The following ST3GAL5 variants were observed in gnomAD, a reference collection of about 807,000 sequenced individuals.
ST3GAL5 encodes the protein ST3 beta-galactoside alpha-2,3-sialyltransferase 5, also known as lactosylceramide alpha-2,3-sialyltransferase.
Under a neutral mutation model 46.1 loss-of-function variants are expected in ST3GAL5, and 25 were observed. The ratio of observed to expected loss-of-function variants is 0.54; its 90% confidence interval spans 0.40 to 0.76. The LOEUF is 0.76. Ranked by LOEUF, ST3GAL5 falls within the 30% of genes least tolerant of loss-of-function variation. The pLI is 0.00. For missense variants in ST3GAL5, 431 were observed against 521.2 expected (o/e 0.83, Z 1.69); for synonymous variants, 182 against 192.7 (o/e 0.94, Z 0.46).
chr2:85,870,707 G>A (rs970785025), intron 1 of ST3GAL5, among the ~76,000 whole-genome samples: 2 of 145,204 alleles, frequency 1.4e-5, no homozygotes, highest in African/African-American at 2.6e-5. Flanking sequence ...ACGGAGTTTC[G>A]CTCTTGTTGC....
At chr2:85,858,517 G>T (rs1159795536) in intron 3 of ST3GAL5, among the ~76,000 whole-genome samples, 1 of 152,110 alleles carries the variant, frequency 6.6e-6, no homozygotes, top group Non-Finnish European at 1.5e-5. Flanking sequence ...CACCATGTTG[G>T]CCAGGCTGGT....
At chr2:85,886,201 G>A (rs939618438) in intron 1 of ST3GAL5, among the ~76,000 whole-genome samples, 3 of 152,230 alleles carry the variant, frequency 2.0e-5, no homozygotes, top group African/African-American at 7.2e-5. Context: ...GGGCAATGTG[G>A]GAGAATAGTT....
rs1385550718 is a variant in ST3GAL5, at chr2:85,863,483, T to G, written c.85A>C (p.Met29Leu). 2 of 1,614,096 alleles carry G rather than the reference T, an allele frequency of 1.2e-6. No homozygotes were observed. The highest frequency in any genetic ancestry group is 1.7e-5 in the Admixed American group (1 of 60,022). ...TTCACATAGGTGTACTCACTTGGCA[T>G]TGCTGTGAAGAGAGGCGAAGAGGGC... ...EAAAAPAGRA[M>L]PSEYTYVKLR... is the part of the protein sequence containing the mutation. Residue 29 changes from methionine to leucine, a missense_variant and splice_region_variant, in exon 2 of 7, where the codon ATG becomes CTG. Coordinates refer to ENST00000638572, the MANE Select transcript of ST3GAL5 (RefSeq NM_003896.4).
At chr2:85,876,394 C>A (rs1400150314) in intron 1 of ST3GAL5, among the ~76,000 whole-genome samples, 1 of 151,918 alleles carries the variant, frequency 6.6e-6, no homozygotes, top group Non-Finnish European at 1.5e-5. Flanking sequence ...CTGGAAGGAA[C>A]CTTCAGGTTC....
At chr2:85,885,867 C>A (rs1687696944) in intron 1 of ST3GAL5, among the ~76,000 whole-genome samples, 1 of 151,850 alleles carries the variant, frequency 6.6e-6, no homozygotes, top group Non-Finnish European at 1.5e-5. Context: ...AATAGCTGTG[C>A]CTGTGGCTCC....
chr2:85,873,212 G>A (rs1209894745), intron 1 of ST3GAL5, among the ~76,000 whole-genome samples: 1 of 151,908 alleles, frequency 6.6e-6, no homozygotes, highest in Non-Finnish European at 1.5e-5. Flanking sequence ...TGGCCCCCTC[G>A]CCTGGAGATG....
At chr2:85,849,215 A>C (rs1401155111) in intron 3 of ST3GAL5, 1 of 152,012 alleles carries the variant, frequency 6.6e-6, no homozygotes, top group Non-Finnish European at 1.5e-5. Context: ...CCACCTATAC[A>C]AAAAATTTTT....
At chr2:85,847,629 T>C (rs1186204834) in intron 4 of ST3GAL5, 1 of 1,284,116 alleles carries the variant, frequency 7.8e-7, no homozygotes, top group African/African-American at 1.5e-5. Flanking sequence ...AAACCCCATC[T>C]CTACTAAAAA....
At chr2:85,848,508 T>G (rs1458166027) in intron 3 of ST3GAL5, 2 of 926,062 alleles carry the variant, frequency 2.2e-6, no homozygotes, top group Non-Finnish European at 3.1e-6. Flanking sequence ...GGGGTGAAAA[T>G]GTACTTCGGG....
rs79573420 is a variant in ST3GAL5, at chr2:85,860,079, C to T, written c.318+1102G>A. On this transcript the variant is annotated intron_variant, in intron 3 of 6. Transcript: ENST00000638572. Reference sequence around the variant, plus strand: ...ACCCTGGGCAGGTTACTAAATCTCCCTGCTCCTCAGTTTCCCTGCCTGTGA... The same window carrying T: ...ACCCTGGGCAGGTTACTAAATCTCCTTGCTCCTCAGTTTCCCTGCCTGTGA... 9.9e-3 allele frequency among the ~76,000 whole-genome samples: 1,511 copies of T among 152,290 alleles called. 29 individuals are homozygous for T. Among genetic ancestry groups the T allele is most frequent in the African/African-American group, 0.035 (1,451 of 41,554 alleles).
intron 1 of ST3GAL5, among the ~76,000 whole-genome samples, chr2:85,883,313 G>T (rs1170041364): frequency 6.6e-6 from 1 of 152,098 alleles, no homozygotes. Flanking sequence ...GTTTATCAGG[G>T]GTTTCTGCTT....
In ST3GAL5 at chr2:85,839,692, C is replaced by T; in HGVS notation, c.*452G>A. 1 of 272,420 alleles carries T rather than the reference C, an allele frequency of 3.7e-6. No individual in the cohort carries two copies. The highest frequency in any genetic ancestry group is 3.8e-5 in the South Asian group (1 of 26,508). 16.9% of individuals were successfully genotyped at this position (272,420 alleles called of 1,614,324 possible). A position where few individuals can be genotyped will look rare whatever the true frequency, so the allele number is the denominator to read the frequency against. On this transcript the variant is annotated 3_prime_UTR_variant, in exon 7 of 7. Transcript: ENST00000638572. ...TCAGCAGCAGAGCTACGGAGCACGT[C>T]ATCCTGGGAGTGGATCCTCCGTGGG...
rs2103935120 is a variant in ST3GAL5 at position 85,844,407 on chromosome 2, C to T, written c.997G>A (p.Gly333Ser). Residue 333 changes from glycine to serine, a missense_variant, in exon 6 of 7, where the codon GGC becomes AGC. Coordinates refer to ENST00000638572, the MANE Select transcript of ST3GAL5 (RefSeq NM_003896.4). ...QYSEPQSRFW[G>S]RDKNVPTIGV... Reference sequence around the variant, plus strand: ...AGCAACAAAAATACCTTATCTCGGCCCCAGAACCTTGACTGAGGCTCTGAG... The same window carrying T: ...AGCAACAAAAATACCTTATCTCGGCTCCAGAACCTTGACTGAGGCTCTGAG... 6.2e-7 allele frequency: 1 copy of T among 1,614,140 alleles called. No individual in the cohort carries two copies.
chr2:85,844,787 C>A (rs1573582691), intron 5 of ST3GAL5: 1 of 582,834 alleles, frequency 1.7e-6, no homozygotes, highest in East Asian at 3.0e-5. Flanking sequence ...AGATGAATTG[C>A]AGAACCAGCT....
chr2:85,839,899 G>C lies in ST3GAL5; in HGVS notation c.*245C>G, dbSNP rs1470272595. 9.0e-6 allele frequency: 5 copies of C among 553,632 alleles called. No individual in the cohort carries two copies. The highest frequency in any genetic ancestry group is 1.6e-5 in the Non-Finnish European group (5 of 310,888). The allele number at this position is 553,632 out of a possible 1,614,324, so 34.3% of individuals were successfully genotyped here. A position where few individuals can be genotyped will look rare whatever the true frequency, so the allele number is the denominator to read the frequency against. ...AACATCGTTACATACAATTCTCTTT[G>C]AGAAGTCTTTCCAATTCAATTCTTA... On this transcript the variant is annotated 3_prime_UTR_variant, in exon 7 of 7. Transcript: ENST00000638572.
At chr2:85,888,748 G>C (rs1413627774) in intron 1 of ST3GAL5, 76 bp downstream of exon 1, 10 of 1,094,348 alleles carry the variant, frequency 9.1e-6, no homozygotes, top group African/African-American at 1.7e-5. Flanking sequence ...CAGCCGGCCC[G>C]GGAAGAGACA....
intron 3 of ST3GAL5, chr2:85,848,713 T>C (rs1683122597): frequency 4.0e-6 from 1 of 251,992 alleles, no homozygotes; most frequent in African/African-American, 2.2e-5. Context: ...AGGGGAGTTG[T>C]TTAATAGGTA....
At chr2:85,875,417 T>C (rs1483522948) in intron 1 of ST3GAL5, 1 of 150,766 alleles carries the variant, frequency 6.6e-6, no homozygotes, top group Non-Finnish European at 1.5e-5. Flanking sequence ...TACTCAACTG[T>C]TTGGCTATTT....
chr2:85,852,057 A>G (rs1213268587), intron 3 of ST3GAL5, among the ~76,000 whole-genome samples: 4 of 152,258 alleles, frequency 2.6e-5, no homozygotes, highest in Non-Finnish European at 5.9e-5. Context: ...AATTTTCCTC[A>G]GCAAAATCCC....
Sources: gnomAD v4.1 joint callset for allele counts (sites outside exome capture counted in the v4.1 genomes callset) on GRCh38, gnomAD v4.1.1 for gene constraint, MANE v1.5 for transcripts, NCBI Gene and HGNC (gene_info 2026-07-23, HGNC 2026-07-21) for gene names.